CD8B2: variants seen among roughly 807,000 people sequenced by gnomAD.
The protein encoded by CD8B2 is T-cell surface glycoprotein CD8 beta-2 chain.
In CD8B2, 11 loss-of-function variants were observed where a neutral mutation model predicts 23.7. The observed-to-expected ratio is 0.46, with a 90% CI of 0.29 to 0.77. The LOEUF is 0.77. CD8B2 is among the 30% of genes least tolerant of loss of function. The pLI is 0.09. For synonymous variants in CD8B2, 90 were observed against 109.3 expected (o/e 0.82, Z 1.10); for missense variants, 197 against 270.5 (o/e 0.73, Z 1.91).
In CD8B2 at chr2:106,490,939, G is replaced by T. The variant is rs540895504; in HGVS notation, c.109G>T (p.Val37Leu). Residue 37 changes from valine to leucine, a missense_variant, in exon 2 of 6, where the codon GTG becomes TTG. Transcript: ENST00000643224. ...CATAAAGGTGCAAACCAACAAGATGGTGATGCTGTCCTGCGAGGCTAAAAT... is the reference window on the plus strand; with the variant it reads ...CATAAAGGTGCAAACCAACAAGATGTTGATGCTGTCCTGCGAGGCTAAAAT... ...AYIKVQTNKM[V>L]MLSCEAKISL... The T allele has an allele frequency of 2.5e-6, 4 of 1,613,528 alleles. No homozygotes were observed. The African/African-American group carries it at 5.3e-5, about 21-fold the overall frequency.
Position 106,495,373 on chromosome 2 carries a change from T to G in CD8B2, c.404-800T>G, listed in dbSNP as rs577800419. Among the ~76,000 whole-genome samples, 17 of 151,898 alleles carry G rather than the reference T, an allele frequency of 1.1e-4. No individual in the cohort carries two copies. In the South Asian group the frequency reaches 3.3e-3, roughly 30 times the overall value. On this transcript the variant is annotated intron_variant, in intron 2 of 5. Transcript: ENST00000643224. ...CCGTCTCTACTAAAAATACAAAAAA[T>G]TAGACGAATGCAGTGGCACGACGAA...
At chr2:106,517,256 G>T (rs1237389358) in intron 5 of CD8B2, among the ~76,000 whole-genome samples, 1 of 151,572 alleles carries the variant, frequency 6.6e-6, no homozygotes, top group African/African-American at 2.4e-5. Flanking sequence ...TATCCCTTTG[G>T]TCATGCCGAC....
At chr2:106,492,663 T>C (rs1485098028) in intron 2 of CD8B2, among the ~76,000 whole-genome samples, 1 of 152,146 alleles carries the variant, frequency 6.6e-6, no homozygotes, top group Non-Finnish European at 1.5e-5. Context: ...CCCACTGCCC[T>C]GCTTCCTGCT....
rs1162471334 is a variant in CD8B2, at chr2:106,508,625, T to G, written c.*1685T>G. The G allele has an allele frequency of 6.6e-6, 1 of 152,208 alleles. No individual in the cohort carries two copies. Among genetic ancestry groups the G allele is most frequent in the African/African-American group, 2.4e-5 (1 of 41,458 alleles). 9.4% of individuals were successfully genotyped at this position (152,208 alleles called of 1,614,324 possible). ...ATGGTAGGAGTGGACCCTAAGCAGA[T>G]AGCCCATGGGCCCAATTGCAAAGTT... On this transcript the variant is annotated 3_prime_UTR_variant, in exon 6 of 6. Coordinates refer to ENST00000643224, the MANE Select transcript of CD8B2 (RefSeq NM_001349727.2).
rs192098423 is a variant in CD8B2 at position 106,516,347 on chromosome 2, G to A, written c.620+12022G>A. 3.0e-3 allele frequency among the ~76,000 whole-genome samples: 451 copies of A among 152,282 alleles called. 3 individuals are homozygous for A. The highest frequency in any genetic ancestry group is 0.01 in the African/African-American group (433 of 41,564). On this transcript the variant is annotated intron_variant, in intron 5 of 5. Coordinates refer to the CD8B2 transcript ENST00000416057. The stretch of plus-strand genomic sequence containing the variant: ...CCTGAGGGTGAGTAGGAAGGCTCAC[G>A]TGGCCTCTGGGTTTCCGAGGACATG...
chr2:106,519,755 A>G (rs777755716), intron 5 of CD8B2, among the ~76,000 whole-genome samples: 42 of 152,174 alleles, frequency 2.8e-4, no homozygotes, highest in Non-Finnish European at 5.0e-4. Flanking sequence ...CATAAAATAC[A>G]CTAATACTAA....
At chr2:106,488,616 G>A (rs1039129581) in intron 1 of CD8B2, among the ~76,000 whole-genome samples, 2 of 152,338 alleles carry the variant, frequency 1.3e-5, no homozygotes, top group South Asian at 2.1e-4. Context: ...GAGGATTGCA[G>A]GTTTCTTCAA....
chr2:106,534,242 C>CA (rs1222030963), intron 5 of CD8B2, among the ~76,000 whole-genome samples: 1 of 152,122 alleles, frequency 6.6e-6, no homozygotes, highest in Non-Finnish European at 1.5e-5. Flanking sequence ...TAGAAGGGAA[C>CA]AAAATGGATA....
intron 5 of CD8B2, among the ~76,000 whole-genome samples, chr2:106,518,171 G>A (rs1053769486): frequency 1.3e-5 from 2 of 152,142 alleles, no homozygotes; most frequent in Non-Finnish European, 2.9e-5. Context: ...ATTTATTTGA[G>A]CTTTGAGATG....
intron 5 of CD8B2, among the ~76,000 whole-genome samples, chr2:106,521,307 A>G (rs1679822589): frequency 6.6e-6 from 1 of 152,154 alleles, no homozygotes; most frequent in Admixed American, 6.5e-5. Context: ...GGCAAAGAGA[A>G]GGGAAGATGA....
rs796666037 is a variant in CD8B2 at position 106,498,344 on chromosome 2, C to T, written c.493+2082C>T. 9.2e-5 allele frequency among the ~76,000 whole-genome samples: 14 copies of T among 152,160 alleles called. No homozygotes were observed. In the South Asian group the frequency reaches 2.7e-3, roughly 29 times the overall value. ...TGTATTTTTAGTAGAGGCAGGGTTT[C>T]ACCATGTTGGCCAAGCTGGTCTTGA... On this transcript the variant is annotated intron_variant, in intron 3 of 5. Transcript: ENST00000643224.
intron 5 of CD8B2, among the ~76,000 whole-genome samples, chr2:106,542,259 G>A (rs758269937): frequency 1.3e-5 from 2 of 152,144 alleles, no homozygotes; most frequent in Non-Finnish European, 2.9e-5. Context: ...TGGGGTTCAC[G>A]GCTGGTCAGC....
chr2:106,495,377 A>G (rs886684121), intron 2 of CD8B2, among the ~76,000 whole-genome samples: 1 of 151,554 alleles, frequency 6.6e-6, no homozygotes, highest in African/African-American at 2.4e-5. Flanking sequence ...AAAAAATTAG[A>G]CGAATGCAGT....
At chr2:106,489,607 C>G (rs543310867) in intron 1 of CD8B2, among the ~76,000 whole-genome samples, 1 of 152,258 alleles carries the variant, frequency 6.6e-6, no homozygotes, top group East Asian at 1.9e-4. Context: ...AAGGGCTCAC[C>G]AGGTCAGATT....
chr2:106,516,354 CT>C (rs1679729634), intron 5 of CD8B2, among the ~76,000 whole-genome samples: 2 of 152,174 alleles, frequency 1.3e-5, no homozygotes, highest in South Asian at 4.1e-4. Flanking sequence ...CACGTGGCCT[CT>C]GGGTTTCCGA....
At chr2:106,516,584 T>C (rs779856063) in intron 5 of CD8B2, among the ~76,000 whole-genome samples, 1 of 152,164 alleles carries the variant, frequency 6.6e-6, no homozygotes, top group Non-Finnish European at 1.5e-5. Flanking sequence ...AATATTGTCT[T>C]CCGGAGTGGC....
chr2:106,487,562 G>A, intron 1 of CD8B2, 93 bp downstream of exon 1: 2 of 775,882 alleles, frequency 2.6e-6, no homozygotes, highest in Non-Finnish European at 3.5e-6. Context: ...GGTCCTGGCA[G>A]GGTGCAGCGT....
intron 2 of CD8B2, among the ~76,000 whole-genome samples, chr2:106,494,177 A>G: frequency 7.0e-6 from 1 of 142,552 alleles, no homozygotes; most frequent in African/African-American, 2.6e-5. Flanking sequence ...TTTGAGACGG[A>G]GTCACTGTCA....
chr2:106,520,420 G>A (rs1319973093), intron 5 of CD8B2, among the ~76,000 whole-genome samples: 1 of 152,108 alleles, frequency 6.6e-6, no homozygotes, highest in African/African-American at 2.4e-5. Context: ...TGAGGCTCGG[G>A]GACCAGAGAC....
Sources: gnomAD v4.1 joint callset for allele counts (sites outside exome capture counted in the v4.1 genomes callset) on GRCh38, gnomAD v4.1.1 for gene constraint, MANE v1.5 for transcripts, NCBI Gene and HGNC (gene_info 2026-07-23, HGNC 2026-07-21) for gene names.